Variants in ZDHHC14 observed in about 807,000 individuals in gnomAD.
ZDHHC14 encodes the protein palmitoyltransferase ZDHHC14.
ZDHHC14 carries 16 observed loss-of-function variants against 47.7 expected under a neutral mutation model. That is an observed-to-expected ratio of 0.34 (90% confidence interval 0.23 to 0.51). ZDHHC14 has a LOEUF of 0.51. Among genes scored for constraint, ZDHHC14 ranks in the 20% least tolerant of loss-of-function variants. The pLI is 0.97. For synonymous variants in ZDHHC14, 293 were observed against 278.9 expected, an observed-to-expected ratio of 1.05 and a Z score of -0.50; for missense variants, 515 against 662.5, an observed-to-expected ratio of 0.78 and a Z score of 2.44.
At chr6:157,453,983 CTT>C (rs1175748840) in intron 1 of ZDHHC14, among the ~76,000 whole-genome samples, 2 of 152,106 alleles carry the variant, frequency 1.3e-5, no homozygotes, top group Non-Finnish European at 2.9e-5. Context: ...GGGTGTGTAA[CTT>C]AGGTTGAGAT....
At chr6:157,498,208 G>A (rs977941468) in intron 1 of ZDHHC14, among the ~76,000 whole-genome samples, 3 of 152,026 alleles carry the variant, frequency 2.0e-5, no homozygotes, top group Non-Finnish European at 4.4e-5. Context: ...AGGCTTAGGT[G>A]GGCGGATCTC....
intron 1 of ZDHHC14, among the ~76,000 whole-genome samples, chr6:157,394,533 A>G (rs1039141970): frequency 4.6e-5 from 7 of 152,218 alleles, no homozygotes; most frequent in African/African-American, 1.7e-4. Flanking sequence ...AGAGGGGTTT[A>G]GACCACATAG....
intron 3 of ZDHHC14, among the ~76,000 whole-genome samples, chr6:157,594,401 G>A (rs1784036941): frequency 6.6e-6 from 1 of 152,178 alleles, no homozygotes; most frequent in Non-Finnish European, 1.5e-5. Flanking sequence ...CATGGGATCT[G>A]GCACTGCATG....
chr6:157,421,492 C>CAAAAAAAAAAAAAA (rs147380621), intron 1 of ZDHHC14, among the ~76,000 whole-genome samples: 1 of 56,708 alleles, frequency 1.8e-5, no homozygotes, highest in Non-Finnish European at 3.0e-5. Flanking sequence ...GACTCCGTCT[C>CAAAAAAAAAAAAAA]AAAAAAAAAA....
At chr6:157,594,241 TAC>T (rs1450620312) in intron 3 of ZDHHC14, among the ~76,000 whole-genome samples, 4 of 152,228 alleles carry the variant, frequency 2.6e-5, no homozygotes, top group Admixed American at 1.3e-4. Context: ...TTTAATAATC[TAC>T]AGTTTGCCAC....
At chr6:157,578,148 T>A (rs1241758403) in intron 2 of ZDHHC14, among the ~76,000 whole-genome samples, 1 of 152,232 alleles carries the variant, frequency 6.6e-6, no homozygotes, top group Non-Finnish European at 1.5e-5. Context: ...GTAGGTTGTC[T>A]GTTTAGTCTG....
rs532783515 is a variant in ZDHHC14 at position 157,475,553 on chromosome 6, T to C, written c.246-67032T>C. 5.9e-5 allele frequency among the ~76,000 whole-genome samples: 9 copies of C among 152,274 alleles called. No homozygotes were observed. In the South Asian group the frequency reaches 1.0e-3, roughly 18 times the overall value. ...ATTTCTTTCATCAGTGTTTTATAGTTTTCAGCATACAGACCCTTCACCTCT... is the reference window on the plus strand; with the variant it reads ...ATTTCTTTCATCAGTGTTTTATAGTCTTCAGCATACAGACCCTTCACCTCT... On this transcript the variant is annotated intron_variant, in intron 1 of 8. Transcript: ENST00000359775.
intron 8 of ZDHHC14, among the ~76,000 whole-genome samples, chr6:157,672,179 C>T (rs1220696413): frequency 6.6e-6 from 1 of 152,180 alleles, no homozygotes; most frequent in African/African-American, 2.4e-5. Context: ...AATGCACTTC[C>T]TTTTTAAGGC....
At chr6:157,615,723 A>T (rs1784939333) in intron 3 of ZDHHC14, among the ~76,000 whole-genome samples, 1 of 152,110 alleles carries the variant, frequency 6.6e-6, no homozygotes, top group Admixed American at 6.5e-5. Flanking sequence ...CACCCTAGGA[A>T]CTTCACTCAG....
intron 5 of ZDHHC14, among the ~76,000 whole-genome samples, chr6:157,633,916 G>C (rs1342923375): frequency 6.6e-6 from 1 of 152,194 alleles, no homozygotes; most frequent in East Asian, 1.9e-4. Flanking sequence ...CCCTCCCCAA[G>C]TGTTGGGATT....
intron 8 of ZDHHC14, among the ~76,000 whole-genome samples, chr6:157,654,589 A>G (rs1777997964): frequency 6.6e-6 from 1 of 152,014 alleles, no homozygotes; most frequent in African/African-American, 2.4e-5. Flanking sequence ...GGAAGTTGGC[A>G]GCCTCAAGAC....
At chr6:157,544,359 TG>T (rs1372001741) in intron 2 of ZDHHC14, among the ~76,000 whole-genome samples, 1 of 152,138 alleles carries the variant, frequency 6.6e-6, no homozygotes, top group Non-Finnish European at 1.5e-5. Context: ...TCTTACAAAG[TG>T]GATGAGGCAG....
intron 1 of ZDHHC14, among the ~76,000 whole-genome samples, chr6:157,396,140 A>T (rs560176481): frequency 6.6e-6 from 1 of 152,056 alleles, no homozygotes; most frequent in Non-Finnish European, 1.5e-5. Flanking sequence ...ATGTACCAGG[A>T]TGTTCACCCC....
intron 1 of ZDHHC14, among the ~76,000 whole-genome samples, chr6:157,436,815 G>A (rs1233850067): frequency 1.3e-5 from 2 of 152,128 alleles, no homozygotes; most frequent in Non-Finnish European, 2.9e-5. Flanking sequence ...TAGTGCCTGT[G>A]GAATTTCCAG....
intron 1 of ZDHHC14, among the ~76,000 whole-genome samples, chr6:157,456,788 C>T (rs1330246615): frequency 2.6e-5 from 4 of 152,102 alleles, no homozygotes; most frequent in African/African-American, 7.2e-5. Context: ...TTTCTGTCCA[C>T]CTCTTTTTGA....
chr6:157,522,105 C>A (rs942183868), intron 1 of ZDHHC14, among the ~76,000 whole-genome samples: 3 of 152,098 alleles, frequency 2.0e-5, no homozygotes, highest in African/African-American at 7.2e-5. Flanking sequence ...TCACTTAGGA[C>A]TGAGAAGACC....
intron 2 of ZDHHC14, among the ~76,000 whole-genome samples, chr6:157,591,305 C>G (rs1190777366): frequency 6.6e-6 from 1 of 152,194 alleles, no homozygotes; most frequent in Non-Finnish European, 1.5e-5. Context: ...CTACCCAAAT[C>G]TCATCTTGAG....
Position 157,628,354 on chromosome 6 carries a change from T to G in ZDHHC14, c.571T>G (p.Phe191Val). 1 of 1,594,078 alleles carries G rather than the reference T, an allele frequency of 6.3e-7. No individual in the cohort carries two copies. Among genetic ancestry groups the G allele is most frequent in the African/African-American group, 1.4e-5 (1 of 73,330 alleles). The change falls in exon 4 of 9, where the codon TTT becomes GTT. Residue 191 changes from phenylalanine to valine, a missense_variant. By Grantham distance (50) the Phe-to-Val change is conservative. Transcript: ENST00000359775. ...CSLCDNCVER[F>V]DHHCPWVGNC... Reference sequence around the variant, plus strand: ...TTTTCTGCCTCTCATTTCAGAACGGTTTGATCACCACTGTCCCTGGGTAGG... The same window carrying G: ...TTTTCTGCCTCTCATTTCAGAACGGGTTGATCACCACTGTCCCTGGGTAGG...
chr6:157,381,873 A>C lies in ZDHHC14; in HGVS notation c.-149A>C. On this transcript the variant is annotated 5_prime_UTR_variant, in exon 1 of 9. Transcript: ENST00000359775. ...AGGGTTAACCTGGGTGTCCTCGGCA[A>C]AGTTGTCGCCGAGCCGGGAGCCCGT... is the stretch of plus-strand genomic sequence containing the variant. 1.6e-6 allele frequency: 1 copy of C among 622,098 alleles called. No homozygotes were observed. The highest frequency in any genetic ancestry group is 2.0e-6 in the Non-Finnish European group (1 of 503,640). The allele number at this position is 622,098 out of a possible 1,614,324, so 38.5% of individuals were successfully genotyped here.
Sources: allele counts gnomAD v4.1 joint callset (sites outside exome capture counted in the v4.1 genomes callset), GRCh38; gene constraint gnomAD v4.1.1; transcripts MANE v1.5; gene names NCBI Gene and HGNC (gene_info 2026-07-23, HGNC 2026-07-21).